RINL: variants seen among roughly 807,000 people sequenced by gnomAD.
RINL encodes Ras and Rab interactor like, also known as ras and Rab interactor-like protein.
Under a neutral mutation model 58.1 loss-of-function variants are expected in RINL, and 39 were observed. That is an observed-to-expected ratio of 0.67 (90% CI 0.52 to 0.88). The LOEUF (loss-of-function observed/expected upper bound fraction) is 0.88. Ranked by LOEUF, RINL falls within the 40% of genes least tolerant of loss-of-function variation. The probability of loss-of-function intolerance (pLI) is 0.00; values close to 1 mark genes in which losing one functional copy is unlikely to be tolerated. For synonymous variants in RINL, 286 were observed against 323.1 expected (o/e 0.89, Z 1.23); for missense variants, 711 against 749.2 (o/e 0.95, Z 0.60).
chr19:38,876,150 C>G (rs960417832), intron 3 of RINL, among the ~76,000 whole-genome samples, 181 bp downstream of exon 3: 2 of 151,906 alleles, frequency 1.3e-5, no homozygotes, highest in African/African-American at 4.8e-5. Flanking sequence ...GCCTTGACCT[C>G]CTGAGCTCAA....
chr19:38,871,029 G>C, intron 7 of RINL, 37 bp from the exon 8 acceptor site: 6 of 1,579,388 alleles, frequency 3.8e-6, no homozygotes, highest in Non-Finnish European at 5.2e-6. Context: ...CCTAGAACAG[G>C]GGCAGCAGCT....
chr19:38,871,748 G>C (rs1343538608), intron 5 of RINL, 37 bp from the exon 6 acceptor site: 29 of 1,613,506 alleles, frequency 1.8e-5, no homozygotes, highest in Non-Finnish European at 2.5e-5. Context: ...GTGTCAGTGG[G>C]GTGTCTTAGG....
In RINL at chr19:38,871,878, G is replaced by A; in HGVS notation, c.314-8C>T. 5.6e-6 allele frequency: 9 copies of A among 1,610,356 alleles called. No homozygotes were observed. The highest frequency in any genetic ancestry group is 7.6e-6 in the Non-Finnish European group (9 of 1,176,848). The stretch of plus-strand genomic sequence containing the variant: ...AGGATTCCAGGGACACACCTGTGGT[G>A]GGGGGAGGAAGAAGGAGAAAGTAAA... On this transcript the variant is annotated splice_polypyrimidine_tract_variant and splice_region_variant and intron_variant, in intron 4 of 11. Coordinates refer to ENST00000591812, the MANE Select transcript of RINL (RefSeq NM_001195833.2).
chr19:38,872,234 C>T (rs1302733385), intron 4 of RINL, among the ~76,000 whole-genome samples: 1 of 152,176 alleles, frequency 6.6e-6, no homozygotes, highest in African/African-American at 2.4e-5. Flanking sequence ...GCCTGTAATT[C>T]TAGCACTTTG....
chr19:38,876,260 T>C, intron 3 of RINL, 71 bp downstream of exon 3: 1 of 1,437,704 alleles, frequency 7.0e-7, no homozygotes, highest in Non-Finnish European at 9.3e-7. Context: ...ATTTGTGTCA[T>C]GTTTGTCACT....
At position 38,870,094 on chromosome 19, in the gene RINL, C is replaced by G. The variant is rs774018663; in HGVS notation, c.1191G>C (p.Pro397=). The G allele has an allele frequency of 2.0e-6, 3 of 1,469,132 alleles. No homozygotes were observed. Among genetic ancestry groups the G allele is most frequent in the Admixed American group, 2.6e-5 (1 of 38,496 alleles). The allele number at this position is 1,469,132 out of a possible 1,614,324, so 91.0% of individuals were successfully genotyped here. ...AGGCGGGGGCGGGGCTCTGCCCTTC[C>G]GGTCCCGGCCCCTGTGCCCCCGGAG... ...AGPPGAQGPG[P]EGQSPAPALR... Residue 397 remains proline (P), a synonymous_variant, in exon 9 of 12, where the codon CCG becomes CCC. Transcript: ENST00000591812. The surrounding 1 kb of genome is among the most constrained non-coding windows in gnomAD (Gnocchi z 5.8).
At chr19:38,871,278 C>G (rs1283849680) in intron 6 of RINL, 51 bp from the exon 7 acceptor site, 1 of 1,598,756 alleles carries the variant, frequency 6.3e-7, no homozygotes, top group South Asian at 1.1e-5. Context: ...GGGACCAACC[C>G]TGGTCCCCTC....
intron 6 of RINL, 31 bp downstream of exon 6, chr19:38,871,616 G>A (rs1485483347): frequency 1.2e-6 from 2 of 1,601,772 alleles, no homozygotes. Context: ...TGGCAGGTTG[G>A]CTGTGCCCTC....
rs377414672 is a variant in RINL, at chr19:38,870,970, G to A, written c.624C>T (p.His208=). 4.4e-6 allele frequency: 7 copies of A among 1,603,260 alleles called. No homozygotes were observed. Among genetic ancestry groups the A allele is most frequent in the South Asian group, 2.2e-5 (2 of 90,536 alleles). The change falls in exon 8 of 12, where the codon CAC becomes CAT. Residue 208 remains histidine, a synonymous_variant. Coordinates refer to ENST00000591812, the MANE Select transcript of RINL (RefSeq NM_001195833.2). This position sits in a 1 kb window ranked among gnomAD's most constrained non-coding sequence, Gnocchi z 5.8. ...HDPAPRNPAP[H]GVSWVKGPLS... ...GCGGGCCTTTCACCCAGGAGACCCC[G>A]TGAGGCGCAGGGTTCCTGGGGGCTG... is the stretch of plus-strand genomic sequence containing the variant.
In RINL at chr19:38,869,638, C is replaced by T; in HGVS notation, c.1409G>A (p.Gly470Glu). Residue 470 changes from glycine to glutamate, a missense_variant, in exon 10 of 12, where the codon GGG becomes GAG. By Grantham distance (98) the Gly-to-Glu change is moderately conservative. Transcript: ENST00000591812. The surrounding 1 kb of genome is among the most constrained non-coding windows in gnomAD (Gnocchi z 5.7). Reference sequence around the variant, plus strand: ...AAACTCTACGTCCAGCTGCGTGTCCCCAATGTCCGGGCTCCAGATGAGTTC... The same window carrying T: ...AAACTCTACGTCCAGCTGCGTGTCCTCAATGTCCGGGCTCCAGATGAGTTC... Reference protein sequence around the residue: ...TEELIWSPDIGDTQLDVEFLM... With the variant: ...TEELIWSPDIEDTQLDVEFLM... 1 of 1,613,968 alleles carries T rather than the reference C, an allele frequency of 6.2e-7. No individual in the cohort carries two copies. The highest frequency in any genetic ancestry group is 2.2e-5 in the East Asian group (1 of 44,864).
intron 6 of RINL, 109 bp from the exon 7 acceptor site, chr19:38,871,336 G>A: frequency 7.9e-7 from 1 of 1,271,410 alleles, no homozygotes; most frequent in East Asian, 2.4e-5. Context: ...GAGGTGCTGA[G>A]GCTTAGCTCC....
chr19:38,873,307 C>G (rs920937850), intron 4 of RINL, among the ~76,000 whole-genome samples: 3 of 152,076 alleles, frequency 2.0e-5, no homozygotes, highest in Non-Finnish European at 4.4e-5. Context: ...GATAGAGAGA[C>G]AGGAAGGAAC....
At position 38,873,386 on chromosome 19, in the gene RINL, CTT is replaced by C. The variant is rs759744765; in HGVS notation, c.313+498_313+499del. ...TTTGTATCTAAGGACGTTGCATGCT[CTT>C]TGCAGGATTTGGGGCAGGGGTGTAT... On this transcript the variant is annotated intron_variant, in intron 4 of 11. Coordinates refer to ENST00000591812, the MANE Select transcript of RINL (RefSeq NM_001195833.2). Among the ~76,000 whole-genome samples, 4 of 152,270 alleles carry C rather than the reference CTT, an allele frequency of 2.6e-5. No individual in the cohort carries two copies. The East Asian group carries it at 5.8e-4, about 22-fold the overall frequency.
intron 4 of RINL, chr19:38,873,501 A>G (rs767051678): frequency 1.8e-4 from 30 of 169,212 alleles, no homozygotes; most frequent in Non-Finnish European, 3.5e-4. Context: ...TTCATCAGAT[A>G]TTTTGGAAAC....
chr19:38,872,918 T>G (rs1296565613), intron 4 of RINL, among the ~76,000 whole-genome samples: 2 of 150,288 alleles, frequency 1.3e-5, no homozygotes, highest in Admixed American at 6.7e-5. Context: ...ACCAAAAAAT[T>G]AGTCATGTGT....
rs1972750113 is a variant in RINL, at chr19:38,869,501, CG to C, written c.1474+71del. 2.1e-4 allele frequency: 335 copies of C among 1,593,310 alleles called. 4 individuals are homozygous for C. In the South Asian group the frequency reaches 3.5e-3, roughly 17 times the overall value. On this transcript the variant is annotated intron_variant, in intron 10 of 11. Transcript: ENST00000591812. The surrounding 1 kb of genome is among the most constrained non-coding windows in gnomAD (Gnocchi z 5.7). ...AGTTTGCCTGCCGTCCCTCCTGCTG[CG>C]GGGGGAGGCTGTTTGGGATCCCGGA...
In RINL at chr19:38,870,650, T is replaced by G; in HGVS notation, c.944A>C (p.Asp315Ala). Residue 315 changes from aspartate to alanine, a missense_variant, in exon 8 of 12, where the codon GAT (aspartate) becomes GCT (alanine). Coordinates refer to ENST00000591812, the MANE Select transcript of RINL (RefSeq NM_001195833.2). This position sits in a 1 kb window ranked among gnomAD's most constrained non-coding sequence, Gnocchi z 5.8. Reference protein sequence around the residue: ...DVRHLLTDLQDHLAKDSYIRA... With the variant: ...DVRHLLTDLQAHLAKDSYIRA... ...GATGTAGGAGTCCTTTGCCAGGTGA[T>G]CCTGGAGGTCAGTAAGGAGGTGCCG... 1 of 1,613,606 alleles carries G rather than the reference T, an allele frequency of 6.2e-7. No individual in the cohort carries two copies. Among genetic ancestry groups the G allele is most frequent in the Non-Finnish European group, 8.5e-7 (1 of 1,179,758 alleles).
chr19:38,871,938 C>T (rs936795655), intron 4 of RINL, 68 bp from the exon 5 acceptor site: 2 of 1,187,178 alleles, frequency 1.7e-6, no homozygotes, highest in Admixed American at 3.8e-5. Flanking sequence ...CCCTGGGATG[C>T]TCTTGCTCCT....
chr19:38,876,995 C>T (rs549009609), intron 1 of RINL, among the ~76,000 whole-genome samples: 2 of 152,302 alleles, frequency 1.3e-5, no homozygotes, highest in African/African-American at 2.4e-5. Context: ...CTCACTGCAA[C>T]CTCCGCCTCG....
Sources: allele counts gnomAD v4.1 joint callset (sites outside exome capture counted in the v4.1 genomes callset), GRCh38; gene constraint gnomAD v4.1.1; non-coding constraint Gnocchi (gnomAD v3.1); transcripts MANE v1.5; gene names NCBI Gene and HGNC (gene_info 2026-07-23, HGNC 2026-07-21).